The following ZNF644 variants were observed in gnomAD, a reference collection of about 807,000 sequenced individuals.
ZNF644 encodes zinc finger protein 644.
A neutral mutation model predicts 108.0 loss-of-function variants in ZNF644; 20 were observed. The ratio of observed to expected loss-of-function variants is 0.19; its 90% CI spans 0.13 to 0.27. The LOEUF is 0.27. ZNF644 is among the 10% of genes least tolerant of loss of function. The probability of loss-of-function intolerance (pLI) is 1.00; values close to 1 mark genes in which losing one functional copy is unlikely to be tolerated. For synonymous variants in ZNF644, 542 were observed against 539.1 expected (o/e 1.01, Z -0.08); for missense variants, 1,338 against 1,548.9 (o/e 0.86, Z 2.29).
chr1:90,921,625 C>G (rs1553143983), intron 4 of ZNF644, among the ~76,000 whole-genome samples: 1 of 151,748 alleles, frequency 6.6e-6, no homozygotes, highest in Non-Finnish European at 1.5e-5. Context: ...TTTAAGTGAT[C>G]AATTTCAACC....
chr1:90,939,569 A>C lies in ZNF644; in HGVS notation c.1785T>G (p.Thr595=). 1.2e-6 allele frequency: 2 copies of C among 1,614,038 alleles called. No individual in the cohort carries two copies. Among genetic ancestry groups the C allele is most frequent in the Non-Finnish European group, 1.7e-6 (2 of 1,179,924 alleles). ...TYICKMCPFT[T]SAKSVLKKHT... ...GCTTTTTTAAAACACTTTTGGCTGA[A>C]GTAGTAAAAGGACACATCTTACATA... The change falls in exon 3 of 6, where the codon ACT becomes ACG. Residue 595 remains threonine (T), a synonymous_variant. Coordinates refer to ENST00000337393, the MANE Select transcript of ZNF644 (RefSeq NM_201269.3).
intron 2 of ZNF644, among the ~76,000 whole-genome samples, chr1:90,945,710 T>C (rs373626022): frequency 5.3e-5 from 8 of 152,102 alleles, no homozygotes; most frequent in African/African-American, 1.9e-4. Flanking sequence ...CTTTCTGTCA[T>C]CAAATCTATG....
At chr1:91,006,347 T>C (rs1659415271) in intron 1 of ZNF644, among the ~76,000 whole-genome samples, 1 of 152,180 alleles carries the variant, frequency 6.6e-6, no homozygotes, top group South Asian at 2.1e-4. Flanking sequence ...AGTTCCAGGC[T>C]GCAGTGAGCC....
At chr1:90,979,175 A>T (rs551817692) in intron 2 of ZNF644, among the ~76,000 whole-genome samples, 1 of 152,300 alleles carries the variant, frequency 6.6e-6, no homozygotes, top group East Asian at 1.9e-4. Context: ...ATTTCTTAAG[A>T]GAGTATATTG....
At chr1:91,001,416 C>T (rs1460338977) in intron 1 of ZNF644, among the ~76,000 whole-genome samples, 2 of 152,192 alleles carry the variant, frequency 1.3e-5, no homozygotes, top group Non-Finnish European at 2.9e-5. Flanking sequence ...AGCATATAAA[C>T]AGAACCAAAG....
chr1:90,980,433 G>A (rs184978914), intron 2 of ZNF644, among the ~76,000 whole-genome samples: 9 of 152,298 alleles, frequency 5.9e-5, no homozygotes, highest in Admixed American at 5.2e-4. Context: ...TGAGATAACT[G>A]CATGCCGTGT....
chr1:90,971,404 T>C (rs1408749147), intron 2 of ZNF644, among the ~76,000 whole-genome samples: 5 of 152,050 alleles, frequency 3.3e-5, no homozygotes, highest in African/African-American at 7.2e-5. Context: ...AAAAGCAATA[T>C]TCAAACATTT....
chr1:91,005,254 A>G (rs1659304883), intron 1 of ZNF644, among the ~76,000 whole-genome samples: 1 of 152,198 alleles, frequency 6.6e-6, no homozygotes, highest in South Asian at 2.1e-4. Context: ...TTGTAACAAT[A>G]AAAAGGTCAA....
At chr1:91,001,398 C>T (rs1268530617) in intron 1 of ZNF644, among the ~76,000 whole-genome samples, 2 of 152,132 alleles carry the variant, frequency 1.3e-5, no homozygotes, top group Non-Finnish European at 2.9e-5. Flanking sequence ...AATCAATAAA[C>T]GTAATCCAGC....
At position 90,915,722 on chromosome 1, in the gene ZNF644, A is replaced by T. The variant is rs1648697452; in HGVS notation, c.*1076T>A. ...GCATAGTGTTACACGATTTTCGTAC[A>T]TATAATCACATCCAAAACAAGTTCT... On this transcript the variant is annotated 3_prime_UTR_variant, in exon 6 of 6. Transcript: ENST00000337393. 6.6e-6 allele frequency: 1 copy of T among 152,612 alleles called. No individual in the cohort carries two copies. Among genetic ancestry groups the T allele is most frequent in the Admixed American group, 6.5e-5 (1 of 15,280 alleles). The allele number at this position is 152,612 out of a possible 1,614,324, so 9.5% of individuals were successfully genotyped here.
rs1186019520 is a variant in ZNF644 at position 90,938,093 on chromosome 1, A to G, written c.3083-3T>C. On this transcript the variant is annotated splice_region_variant and splice_polypyrimidine_tract_variant and intron_variant, in intron 3 of 5. Transcript: ENST00000337393. This position sits in a 1 kb window ranked among gnomAD's most constrained non-coding sequence, Gnocchi z 4.2. ...AGTGGTTTCAGACTTCTCTATAGCTAGAAAAAAATTTTTAAGAGTAATATC... is the reference window on the plus strand; with the variant it reads ...AGTGGTTTCAGACTTCTCTATAGCTGGAAAAAAATTTTTAAGAGTAATATC... The G allele has an allele frequency of 6.2e-7, 1 of 1,611,040 alleles. No homozygotes were observed. The highest frequency in any genetic ancestry group is 1.1e-5 in the South Asian group (1 of 90,986).
At position 91,020,146 on chromosome 1, in the gene ZNF644, T is replaced by C. The variant is rs192575220; in HGVS notation, c.-18+1844A>G. Among the ~76,000 whole-genome samples the C allele has an allele frequency of 1.1e-3, 164 of 152,320 alleles. 1 individual carries two copies. Among genetic ancestry groups the C allele is most frequent in the African/African-American group, 3.8e-3 (156 of 41,582 alleles). On this transcript the variant is annotated intron_variant, in intron 1 of 5. Transcript: ENST00000337393. ...ATATTGCTTCCACTGTAAAACTTTA[T>C]GATCCAGGAATACATTTGCTAATGT...
intron 2 of ZNF644, among the ~76,000 whole-genome samples, chr1:90,943,153 G>C (rs906180155): frequency 6.6e-6 from 1 of 152,010 alleles, no homozygotes; most frequent in African/African-American, 2.4e-5. Flanking sequence ...TAATAAAATT[G>C]TTCTTAGGCT....
At chr1:90,937,384 GGAA>G in intron 4 of ZNF644, 98 bp downstream of exon 4, 1 of 1,536,322 alleles carries the variant, frequency 6.5e-7, no homozygotes, top group South Asian at 1.2e-5. Flanking sequence ...AGCTTAAACA[GGAA>G]GATTGTGAGA....
At chr1:90,933,550 G>C (rs1312979724) in intron 4 of ZNF644, among the ~76,000 whole-genome samples, 2 of 152,096 alleles carry the variant, frequency 1.3e-5, no homozygotes, top group Non-Finnish European at 2.9e-5. Context: ...TGTAATCCCA[G>C]CTACTCGGGA....
At chr1:90,954,104 T>A (rs977129282) in intron 2 of ZNF644, among the ~76,000 whole-genome samples, 9 of 152,270 alleles carry the variant, frequency 5.9e-5, no homozygotes, top group Admixed American at 5.9e-4. Flanking sequence ...AAGACAGCAA[T>A]GAAGTTTGAC....
At chr1:90,927,936 C>T (rs944086623) in intron 4 of ZNF644, among the ~76,000 whole-genome samples, 1 of 151,688 alleles carries the variant, frequency 6.6e-6, no homozygotes, top group African/African-American at 2.4e-5. Context: ...CTCCACCTCT[C>T]AGGTTTAAGC....
At chr1:90,926,196 C>T (rs1650014279) in intron 4 of ZNF644, among the ~76,000 whole-genome samples, 1 of 152,156 alleles carries the variant, frequency 6.6e-6, no homozygotes, top group African/African-American at 2.4e-5. Flanking sequence ...GAAGGCTGCA[C>T]ATAGGATGCC....
rs1660725069 is a variant in ZNF644, at chr1:91,019,675, A to G, written c.-18+2315T>C. Among the ~76,000 whole-genome samples the G allele has an allele frequency of 2.0e-5, 3 of 152,096 alleles. No individual in the cohort carries two copies. The South Asian group carries it at 6.2e-4, about 31-fold the overall frequency. On this transcript the variant is annotated intron_variant, in intron 1 of 5. Transcript: ENST00000337393. ...AACCTCTGCCTTCCGGGTTCAAGTG[A>G]TTCTCCTGCCTCAGCCTCCCGAGTA...
Sources: allele counts gnomAD v4.1 joint callset (sites outside exome capture counted in the v4.1 genomes callset), GRCh38; gene constraint gnomAD v4.1.1; non-coding constraint Gnocchi (gnomAD v3.1); transcripts MANE v1.5; gene names NCBI Gene and HGNC (gene_info 2026-07-23, HGNC 2026-07-21).